FBXL17: variants seen among roughly 807,000 people sequenced by gnomAD.
FBXL17 encodes the protein F-box and leucine rich repeat protein 17.
Under a neutral mutation model 66.2 loss-of-function variants are expected in FBXL17, and 22 were observed. The ratio of observed to expected loss-of-function variants is 0.33; its 90% CI spans 0.24 to 0.47. FBXL17 has a LOEUF of 0.47. FBXL17 is among the 20% of genes least tolerant of loss of function. The pLI, the probability that FBXL17 is intolerant of heterozygous loss-of-function variation, is 1.00. For synonymous variants in FBXL17, 474 were observed against 400.5 expected, an observed-to-expected ratio of 1.18 and a Z score of -2.19; for missense variants, 878 against 948.2, an observed-to-expected ratio of 0.93 and a Z score of 0.97.
In FBXL17 at chr5:108,381,772, C is replaced by A; in HGVS notation, c.-81G>T. 1 of 1,366,340 alleles carries A rather than the reference C, an allele frequency of 7.3e-7. No individual in the cohort carries two copies. Among genetic ancestry groups the A allele is most frequent in the Non-Finnish European group, 9.4e-7 (1 of 1,065,194 alleles). 84.6% of individuals were successfully genotyped at this position (1,366,340 alleles called of 1,614,324 possible). A position where few individuals can be genotyped will look rare whatever the true frequency, so the allele number is the denominator to read the frequency against. ...GGGCTCCCGGCAGCGGGGCAGGCCG[C>A]TCGCTGGCTCGGCCCCCGGAGGGGT... is the stretch of plus-strand genomic sequence containing the variant. On this transcript the variant is annotated 5_prime_UTR_variant, in exon 1 of 9. Transcript: ENST00000542267.
chr5:107,999,457 A>G (rs1461008207), intron 7 of FBXL17, among the ~76,000 whole-genome samples: 2 of 119,544 alleles, frequency 1.7e-5, no homozygotes, highest in Non-Finnish European at 3.1e-5. Context: ...TCAGAAACAC[A>G]CACACACACA....
chr5:107,957,961 C>T (rs1046057600), intron 7 of FBXL17, among the ~76,000 whole-genome samples: 4 of 151,898 alleles, frequency 2.6e-5, no homozygotes, highest in East Asian at 3.9e-4. Flanking sequence ...AGTCTCTGGC[C>T]GAAGCATTCT....
chr5:108,370,612 G>A (rs747869678), intron 1 of FBXL17, among the ~76,000 whole-genome samples: 2 of 152,024 alleles, frequency 1.3e-5, no homozygotes, highest in African/African-American at 4.8e-5. Context: ...ACATGGTGGC[G>A]CATGCCTGTA....
At chr5:108,019,724 G>A (rs1481831722) in intron 7 of FBXL17, among the ~76,000 whole-genome samples, 2 of 151,806 alleles carry the variant, frequency 1.3e-5, no homozygotes, top group East Asian at 1.9e-4. Context: ...TTAGGGTCTA[G>A]ACAATGCAAG....
intron 4 of FBXL17, among the ~76,000 whole-genome samples, chr5:108,261,986 G>A (rs910009543): frequency 2.0e-5 from 3 of 151,766 alleles, no homozygotes; most frequent in Admixed American, 2.0e-4. Flanking sequence ...GATGAGATGG[G>A]GAGATGGGGG....
rs185911693 is a variant in FBXL17, at chr5:108,034,020, T to G, written c.1746-13019A>C. On this transcript the variant is annotated intron_variant, in intron 6 of 8. Coordinates refer to ENST00000542267, the MANE Select transcript of FBXL17 (RefSeq NM_001163315.3). ...AATTAATGCATTTTACAGGCAATAC[T>G]TGTTGTAAACCCCATGCAATAGCTT... Among the ~76,000 whole-genome samples, 43 of 152,302 alleles carry G rather than the reference T, an allele frequency of 2.8e-4. No homozygotes were observed. In the East Asian group the frequency reaches 8.3e-3, roughly 29 times the overall value.
intron 7 of FBXL17, among the ~76,000 whole-genome samples, chr5:108,012,569 G>A (rs2112742868): frequency 6.6e-6 from 1 of 152,234 alleles, no homozygotes; most frequent in South Asian, 2.1e-4. Context: ...AAAAAAAAGT[G>A]TTGCTAATAA....
chr5:107,986,006 A>G (rs575498683), intron 7 of FBXL17, among the ~76,000 whole-genome samples: 1 of 152,246 alleles, frequency 6.6e-6, no homozygotes, highest in Admixed American at 6.5e-5. Flanking sequence ...AACAGTTTAA[A>G]GACACAAAAC....
At chr5:107,917,162 T>C (rs1335624270) in intron 7 of FBXL17, among the ~76,000 whole-genome samples, 1 of 152,222 alleles carries the variant, frequency 6.6e-6, no homozygotes, top group Non-Finnish European at 1.5e-5. Flanking sequence ...CTACTATTAC[T>C]GGCTGCTGAC....
At chr5:108,040,270 A>G (rs1349618826) in intron 6 of FBXL17, among the ~76,000 whole-genome samples, 1 of 152,102 alleles carries the variant, frequency 6.6e-6, no homozygotes, top group Admixed American at 6.5e-5. Context: ...GCCAACTTTC[A>G]TGCCTTGCTT....
rs117282464 is a variant in FBXL17, at chr5:108,222,213, A to G, written c.1614+1908T>C. On this transcript the variant is annotated intron_variant, in intron 5 of 8. Transcript: ENST00000542267. The stretch of plus-strand genomic sequence containing the variant: ...TTGGCCATCTCAAAATGCTGAGGGA[A>G]GCACTTACTGATCTAATAAGTCTTG... 3.7e-4 allele frequency among the ~76,000 whole-genome samples: 56 copies of G among 152,324 alleles called. No individual in the cohort carries two copies. In the East Asian group the frequency reaches 6.0e-3, roughly 16 times the overall value.
chr5:108,042,189 T>G (rs1561381870), intron 6 of FBXL17, among the ~76,000 whole-genome samples: 1 of 152,230 alleles, frequency 6.6e-6, no homozygotes, highest in Admixed American at 6.5e-5. Context: ...CCACCGCTCC[T>G]GGCCTTCAGT....
At chr5:108,143,616 G>A (rs927960397) in intron 6 of FBXL17, among the ~76,000 whole-genome samples, 2 of 150,156 alleles carry the variant, frequency 1.3e-5, no homozygotes, top group Admixed American at 6.7e-5. Flanking sequence ...ATATTTTGAA[G>A]CCCAGATAGC....
At chr5:108,161,842 T>A (rs1016319792) in intron 6 of FBXL17, among the ~76,000 whole-genome samples, 1 of 152,238 alleles carries the variant, frequency 6.6e-6, no homozygotes, top group African/African-American at 2.4e-5. Flanking sequence ...ATCTTAGACA[T>A]ATAAAAGGCA....
rs890509995 is a variant in FBXL17, at chr5:108,381,721, C to G, written c.-30G>C. The G allele has an allele frequency of 2.8e-6, 4 of 1,419,112 alleles. No homozygotes were observed. The African/African-American group carries it at 6.0e-5, about 21-fold the overall frequency. The allele number at this position is 1,419,112 out of a possible 1,614,324, so 87.9% of individuals were successfully genotyped here. A position where few individuals can be genotyped will look rare whatever the true frequency, so the allele number is the denominator to read the frequency against. On this transcript the variant is annotated 5_prime_UTR_variant, in exon 1 of 9. Transcript: ENST00000542267. ...AAGGCCCCGAGGAGGGGGACCGGGA[C>G]GGGAGGGAGGGAGACCCAGAGAGGC...
At chr5:108,349,517 T>C (rs544679238) in intron 3 of FBXL17, among the ~76,000 whole-genome samples, 13 of 152,290 alleles carry the variant, frequency 8.5e-5, no homozygotes, top group African/African-American at 3.1e-4. Context: ...GTGATAGATA[T>C]AAACTATATT....
chr5:108,017,415 G>A (rs1434521546), intron 7 of FBXL17, among the ~76,000 whole-genome samples: 1 of 152,174 alleles, frequency 6.6e-6, no homozygotes, highest in Non-Finnish European at 1.5e-5. Context: ...TTTGGAAGAG[G>A]AGAAGGCTAA....
At chr5:108,143,347 T>TCTCACA (rs111363573) in intron 6 of FBXL17, among the ~76,000 whole-genome samples, 8 of 147,688 alleles carry the variant, frequency 5.4e-5, no homozygotes, top group African/African-American at 2.0e-4. Context: ...AACAGCATTC[T>TCTCACA]CACACACACA....
intron 7 of FBXL17, among the ~76,000 whole-genome samples, chr5:107,897,057 T>A (rs1252783787): frequency 1.3e-5 from 2 of 152,004 alleles, no homozygotes; most frequent in Admixed American, 1.3e-4. Context: ...CAGCAAAAGA[T>A]GGTTTGATAA....
Sources: gnomAD v4.1 joint callset for allele counts (sites outside exome capture counted in the v4.1 genomes callset) on GRCh38, gnomAD v4.1.1 for gene constraint, MANE v1.5 for transcripts, NCBI Gene and HGNC (gene_info 2026-07-23, HGNC 2026-07-21) for gene names.